Variants in LYPD1 observed in about 807,000 individuals in gnomAD.
The protein encoded by LYPD1 is ly6/PLAUR domain-containing protein 1.
Under a neutral mutation model 14.2 loss-of-function variants are expected in LYPD1, and 14 were observed. The ratio of observed to expected loss-of-function variants is 0.99; its 90% CI spans 0.65 to 1.54. The LOEUF is 1.54. LYPD1 is among the 40% of genes most tolerant of loss of function. LYPD1 has a pLI of 0.00. For synonymous variants in LYPD1, 85 were observed against 70.6 expected (o/e 1.20, Z -1.02); for missense variants, 165 against 175.7 (o/e 0.94, Z 0.34).
At chr2:132,661,941 G>GAAA (rs72146038) in intron 2 of LYPD1, among the ~76,000 whole-genome samples, 15 of 142,386 alleles carry the variant, frequency 1.1e-4, no homozygotes, top group Non-Finnish European at 1.2e-4. Flanking sequence ...CACCACAGCG[G>GAAA]AAAAAAAAAA....
Position 132,652,510 on chromosome 2 carries a change from C to T in LYPD1, c.191-6230G>A, listed in dbSNP as rs560676088. 2.0e-5 allele frequency among the ~76,000 whole-genome samples: 3 copies of T among 152,138 alleles called. No homozygotes were observed. In the South Asian group the frequency reaches 6.2e-4, roughly 32 times the overall value. On this transcript the variant is annotated intron_variant, in intron 2 of 2. Coordinates refer to ENST00000397463, the MANE Select transcript of LYPD1 (RefSeq NM_144586.7). Reference sequence around the variant, plus strand: ...TGAGAGGCTCTGATCTTAGTTAACGCAGATGCAGACCCAGAGCTAGAAGGC... The same window carrying T: ...TGAGAGGCTCTGATCTTAGTTAACGTAGATGCAGACCCAGAGCTAGAAGGC...
At position 132,670,096 on chromosome 2, in the gene LYPD1, C is replaced by T. The variant is rs1469647112; in HGVS notation, c.-164G>A. 5.5e-6 allele frequency: 8 copies of T among 1,466,000 alleles called. No individual in the cohort carries two copies. The African/African-American group carries it at 7.4e-5, about 14-fold the overall frequency. 90.8% of individuals were successfully genotyped at this position (1,466,000 alleles called of 1,614,324 possible). On this transcript the variant is annotated 5_prime_UTR_variant, in exon 1 of 3. Coordinates refer to ENST00000397463, the MANE Select transcript of LYPD1 (RefSeq NM_144586.7). The surrounding 1 kb of genome is among the most constrained non-coding windows in gnomAD (Gnocchi z 4.5). The stretch of plus-strand genomic sequence containing the variant: ...TTAGAGGAGCCGCAGGTGCCGCTCG[C>T]GGAGCCTGCATCGCCCGCGCTCGGG...
chr2:132,655,186 G>C (rs1682515357), intron 2 of LYPD1, among the ~76,000 whole-genome samples: 1 of 152,086 alleles, frequency 6.6e-6, no homozygotes, highest in South Asian at 2.1e-4. Context: ...ATTCTGCCCT[G>C]CTTCTCAGGG....
At chr2:132,666,065 C>A (rs2104926012) in intron 2 of LYPD1, among the ~76,000 whole-genome samples, 1 of 152,258 alleles carries the variant, frequency 6.6e-6, no homozygotes, top group South Asian at 2.1e-4. Flanking sequence ...CATGAGGAAA[C>A]AAGATCCTGA....
intron 2 of LYPD1, among the ~76,000 whole-genome samples, chr2:132,649,893 G>C (rs565417429): frequency 1.3e-5 from 2 of 151,820 alleles, no homozygotes; most frequent in East Asian, 3.9e-4. Context: ...TTTTTTTTAT[G>C]TAAGAGTTGT....
rs765441250 is a variant in LYPD1 at position 132,645,537 on chromosome 2, A to G, written c.*508T>C. ...CCCAGTCATTGAGTCTCGAGTCACT[A>G]GAGCCCAACTCAGGCGCGAAACCAG... is the stretch of plus-strand genomic sequence containing the variant. On this transcript the variant is annotated 3_prime_UTR_variant, in exon 3 of 3. Coordinates refer to ENST00000397463, the MANE Select transcript of LYPD1 (RefSeq NM_144586.7). The G allele has an allele frequency of 7.1e-5, 115 of 1,614,048 alleles. No homozygotes were observed. In the Admixed American group the frequency reaches 1.7e-3, roughly 25 times the overall value.
intron 2 of LYPD1, 87 bp from the exon 3 acceptor site, chr2:132,646,367 C>A (rs1682078498): frequency 2.4e-6 from 2 of 844,676 alleles, no homozygotes; most frequent in South Asian, 3.2e-5. Flanking sequence ...ACGGACAGCT[C>A]TTCCTTACTC....
intron 2 of LYPD1, among the ~76,000 whole-genome samples, chr2:132,656,613 A>C (rs145775215): frequency 2.6e-5 from 4 of 152,340 alleles, no homozygotes; most frequent in Non-Finnish European, 5.9e-5. Flanking sequence ...AGGCTTCTCT[A>C]TACATTTGCC....
At chr2:132,662,043 G>C (rs1177942454) in intron 2 of LYPD1, among the ~76,000 whole-genome samples, 1 of 151,902 alleles carries the variant, frequency 6.6e-6, no homozygotes, top group African/African-American at 2.4e-5. Flanking sequence ...CAACTATCAA[G>C]TGGGGATATT....
chr2:132,666,399 C>T (rs999008617), intron 2 of LYPD1, among the ~76,000 whole-genome samples: 7 of 152,150 alleles, frequency 4.6e-5, no homozygotes, highest in Non-Finnish European at 7.3e-5. Flanking sequence ...GCACACACCC[C>T]GACCTAGCAT....
At chr2:132,650,104 A>G (rs776666374) in intron 2 of LYPD1, among the ~76,000 whole-genome samples, 1 of 152,222 alleles carries the variant, frequency 6.6e-6, no homozygotes, top group Non-Finnish European at 1.5e-5. Context: ...GAAATCTATA[A>G]GGGATAAATA....
chr2:132,657,778 G>A (rs1012325894), intron 2 of LYPD1, among the ~76,000 whole-genome samples: 1 of 152,172 alleles, frequency 6.6e-6, no homozygotes, highest in Admixed American at 6.5e-5. Flanking sequence ...CCAGGATGAA[G>A]GTCCTTTGAC....
rs1266725203 is a variant in LYPD1, at chr2:132,644,377, A to C, written c.*1668T>G. On this transcript the variant is annotated 3_prime_UTR_variant, in exon 3 of 3. Transcript: ENST00000397463. ...AGGAAGGGAACATGTTACTGGCTGA[A>C]CTAGAAGGAAGTTTTATATTTGCCA... 6.6e-6 allele frequency among the ~76,000 whole-genome samples: 1 copy of C among 152,246 alleles called. No individual in the cohort carries two copies. The highest frequency in any genetic ancestry group is 2.4e-5 in the African/African-American group (1 of 41,474).
rs1266977756 is a variant in LYPD1, at chr2:132,644,718, A to G, written c.*1327T>C. The G allele has an allele frequency of 9.8e-6, 2 of 204,860 alleles. No individual in the cohort carries two copies. Among genetic ancestry groups the G allele is most frequent in the African/African-American group, 4.7e-5 (2 of 42,402 alleles). The allele number at this position is 204,860 out of a possible 1,614,324, so 12.7% of individuals were successfully genotyped here. ...GCTTTATCTAATGCAGCTATACTGT[A>G]TGTATACATCTTTTTCTTTAAAACA... On this transcript the variant is annotated 3_prime_UTR_variant, in exon 3 of 3. Transcript: ENST00000397463.
chr2:132,668,120 G>C (rs1234283744), intron 2 of LYPD1, among the ~76,000 whole-genome samples: 2 of 152,126 alleles, frequency 1.3e-5, no homozygotes, highest in Non-Finnish European at 2.9e-5. Flanking sequence ...TCAGCTTTTA[G>C]CATAGGGAGG....
At chr2:132,648,422 G>A (rs1682226403) in intron 2 of LYPD1, among the ~76,000 whole-genome samples, 1 of 152,224 alleles carries the variant, frequency 6.6e-6, no homozygotes, top group Non-Finnish European at 1.5e-5. Context: ...CTTCCAGGCT[G>A]GTTTCTGTAC....
intron 2 of LYPD1, among the ~76,000 whole-genome samples, chr2:132,656,767 C>T (rs1028541906): frequency 1.3e-5 from 2 of 152,094 alleles, no homozygotes; most frequent in African/African-American, 2.4e-5. Context: ...CCAAAAAAGC[C>T]CCCTCCATTT....
chr2:132,658,559 T>C (rs1031669274), intron 2 of LYPD1, among the ~76,000 whole-genome samples: 4 of 152,166 alleles, frequency 2.6e-5, no homozygotes, highest in African/African-American at 9.7e-5. Flanking sequence ...ATTAATGATA[T>C]TCAACAAAGG....
chr2:132,663,710 G>A (rs1683100792), intron 2 of LYPD1, among the ~76,000 whole-genome samples: 1 of 152,150 alleles, frequency 6.6e-6, no homozygotes, highest in Non-Finnish European at 1.5e-5. Flanking sequence ...GGTTAACAGT[G>A]AGAAATTAAG....
Sources: allele counts gnomAD v4.1 joint callset (sites outside exome capture counted in the v4.1 genomes callset), GRCh38; gene constraint gnomAD v4.1.1; non-coding constraint Gnocchi (gnomAD v3.1); transcripts MANE v1.5; gene names NCBI Gene and HGNC (gene_info 2026-07-23, HGNC 2026-07-21).